Variants in CHST9 observed in about 807,000 individuals in gnomAD.
CHST9 encodes the protein GalNAc-4-sulfotransferase 2.
Under a neutral mutation model 44.4 loss-of-function variants are expected in CHST9, and 41 were observed. The ratio of observed to expected loss-of-function variants is 0.92; its 90% CI spans 0.72 to 1.20. The LOEUF is 1.20. Ranked by LOEUF, CHST9 falls within the 50% of genes most tolerant of loss-of-function variation. CHST9 has a pLI of 0.00. For missense variants in CHST9, 504 were observed against 516.5 expected (o/e 0.98, Z 0.23); for synonymous variants, 171 against 178.4 (o/e 0.96, Z 0.33).
chr18:26,910,724 A>G lies in CHST9; in HGVS notation c.*5535T>C, dbSNP rs1320212286. On this transcript the variant is annotated 3_prime_UTR_variant, in exon 6 of 6. Coordinates refer to ENST00000618847, the MANE Select transcript of CHST9 (RefSeq NM_031422.6). ...AATGTATGGTCTCAGCTTTGGAGCCAGAGAGACTGTTATTAAACCTCTTTG... is the reference window on the plus strand; with the variant it reads ...AATGTATGGTCTCAGCTTTGGAGCCGGAGAGACTGTTATTAAACCTCTTTG... The G allele has an allele frequency of 6.6e-6, 1 of 152,232 alleles. No homozygotes were observed. The highest frequency in any genetic ancestry group is 1.5e-5 in the Non-Finnish European group (1 of 68,034). 9.4% of individuals were successfully genotyped at this position (152,232 alleles called of 1,614,324 possible). A position where few individuals can be genotyped will look rare whatever the true frequency, so the allele number is the denominator to read the frequency against.
intron 1 of CHST9, among the ~76,000 whole-genome samples, chr18:27,144,523 A>G (rs2058596002): frequency 6.6e-6 from 1 of 152,050 alleles, no homozygotes; most frequent in Non-Finnish European, 1.5e-5. Flanking sequence ...TACAAAAAAT[A>G]AAATAGATTT....
chr18:27,028,377 A>G (rs2057305242), intron 3 of CHST9, among the ~76,000 whole-genome samples: 2 of 152,186 alleles, frequency 1.3e-5, no homozygotes, highest in South Asian at 4.1e-4. Flanking sequence ...TCTGGGTACA[A>G]ACACCACTGA....
Position 26,917,015 on chromosome 18 carries a change from C to A in CHST9, c.576G>T (p.Val192=), listed in dbSNP as rs1322541429. The change falls in exon 6 of 6, where the codon GTG becomes GTT. Residue 192 remains valine, a synonymous_variant. Transcript: ENST00000618847. ...LQEFCKKYGG[V]SHHQSHLFHT... is the part of the protein sequence containing the mutation. Reference sequence around the variant, plus strand: ...GAAAAAGATGTGACTGATGATGACTCACCCCACCGTATTTCTTGCAAAACT... The same window carrying A: ...GAAAAAGATGTGACTGATGATGACTAACCCCACCGTATTTCTTGCAAAACT... 6.2e-7 allele frequency: 1 copy of A among 1,613,804 alleles called. No homozygotes were observed. The highest frequency in any genetic ancestry group is 8.5e-7 in the Non-Finnish European group (1 of 1,179,882).
intron 5 of CHST9, among the ~76,000 whole-genome samples, chr18:26,921,016 C>T (rs923802897): frequency 3.3e-5 from 5 of 152,066 alleles, no homozygotes; most frequent in South Asian, 2.1e-4. Context: ...AACAAGATCC[C>T]CAGGTACTCC....
rs368911818 is a variant in CHST9, at chr18:26,995,369, C to T, written c.202+28747G>A. ...AGGAGAATGGCATGAACCCGGGAGG[C>T]GGAGCTTGCAGTGAGCCAAGATCGC... On this transcript the variant is annotated intron_variant, in intron 4 of 5. Transcript: ENST00000618847. 3.0e-3 allele frequency among the ~76,000 whole-genome samples: 435 copies of T among 146,652 alleles called. 1 individual carries two copies. Among genetic ancestry groups the T allele is most frequent in the East Asian group, 0.012 (58 of 4,980 alleles).
chr18:26,970,708 G>A (rs1250210253), intron 4 of CHST9, among the ~76,000 whole-genome samples: 23 of 152,332 alleles, frequency 1.5e-4, no homozygotes, highest in African/African-American at 3.8e-4. Context: ...GATTATAGGC[G>A]TGAGCCAATG....
intron 4 of CHST9, among the ~76,000 whole-genome samples, chr18:26,991,132 T>A (rs1213989665): frequency 2.0e-5 from 3 of 152,066 alleles, no homozygotes; most frequent in African/African-American, 7.2e-5. Context: ...GAGTATAGGA[T>A]AAGAGGGAAA....
chr18:26,996,120 C>T (rs972691172), intron 4 of CHST9, among the ~76,000 whole-genome samples: 3 of 152,212 alleles, frequency 2.0e-5, no homozygotes, highest in Admixed American at 6.5e-5. Flanking sequence ...GGTGCTCAGG[C>T]ACCTGCCCTG....
chr18:27,017,544 C>A (rs2057169464), intron 4 of CHST9, among the ~76,000 whole-genome samples: 1 of 152,000 alleles, frequency 6.6e-6, no homozygotes, highest in African/African-American at 2.4e-5. Flanking sequence ...CAAGAATAGG[C>A]CAAACTAAAC....
intron 4 of CHST9, among the ~76,000 whole-genome samples, chr18:26,960,792 C>T (rs1047537461): frequency 6.6e-6 from 1 of 152,152 alleles, no homozygotes; most frequent in Admixed American, 6.5e-5. Context: ...CATATCCTTT[C>T]GAGTAGCTGG....
At chr18:27,060,628 C>A (rs1453834128) in intron 2 of CHST9, among the ~76,000 whole-genome samples, 6 of 152,192 alleles carry the variant, frequency 3.9e-5, no homozygotes, top group African/African-American at 1.4e-4. Flanking sequence ...GCTTTATTTA[C>A]TGTGAAAAAC....
chr18:27,103,363 G>A, intron 2 of CHST9, among the ~76,000 whole-genome samples: 1 of 152,172 alleles, frequency 6.6e-6, no homozygotes, highest in East Asian at 1.9e-4. Flanking sequence ...GCTAACTTCT[G>A]CCTCAGTGGA....
chr18:27,135,111 T>C (rs1305255807), intron 2 of CHST9, among the ~76,000 whole-genome samples: 1 of 152,220 alleles, frequency 6.6e-6, no homozygotes, highest in Non-Finnish European at 1.5e-5. Context: ...TTGACTGTTC[T>C]GCAAGGTGTA....
intron 1 of CHST9, among the ~76,000 whole-genome samples, chr18:27,145,463 C>T (rs1041447094): frequency 4.6e-5 from 7 of 152,224 alleles, no homozygotes; most frequent in Admixed American, 2.6e-4. Context: ...GGATTACAGG[C>T]GTGAGCCACT....
intron 5 of CHST9, among the ~76,000 whole-genome samples, chr18:26,922,253 G>A (rs150732682): frequency 2.0e-5 from 3 of 152,054 alleles, no homozygotes; most frequent in Admixed American, 6.6e-5. Context: ...TTCTTGGGAC[G>A]TTCAAAATCT....
chr18:26,914,827 G>GA lies in CHST9; in HGVS notation c.*1431dup, dbSNP rs1272105366. On this transcript the variant is annotated 3_prime_UTR_variant, in exon 6 of 6. Coordinates refer to ENST00000618847, the MANE Select transcript of CHST9 (RefSeq NM_031422.6). Reference sequence around the variant, plus strand: ...GCCATTACTGAATATTTACTGATAAGAAAAAAATGATAGCTTAGGAAGAGG... The same window carrying GA: ...GCCATTACTGAATATTTACTGATAAGAAAAAAAATGATAGCTTAGGAAGAGG... 2 of 396,728 alleles carry GA rather than the reference G, an allele frequency of 5.0e-6. No homozygotes were observed. The highest frequency in any genetic ancestry group is 2.1e-5 in the African/African-American group (1 of 48,528). The allele number at this position is 396,728 out of a possible 1,614,324, so 24.6% of individuals were successfully genotyped here.
chr18:26,916,250 G>A lies in CHST9; in HGVS notation c.*9C>T, dbSNP rs2055517955. 1.3e-6 allele frequency: 2 copies of A among 1,509,702 alleles called. No homozygotes were observed. The highest frequency in any genetic ancestry group is 2.4e-5 in the South Asian group (2 of 83,652). The allele number at this position is 1,509,702 out of a possible 1,614,324, so 93.5% of individuals were successfully genotyped here. A position where few individuals can be genotyped will look rare whatever the true frequency, so the allele number is the denominator to read the frequency against. On this transcript the variant is annotated 3_prime_UTR_variant, in exon 6 of 6. Coordinates refer to ENST00000618847, the MANE Select transcript of CHST9 (RefSeq NM_031422.6). ...AAGTATATACAGGGTTTTAGAAAATGAATGCAAACTACAAAAATGGAGTTG... is the reference window on the plus strand; with the variant it reads ...AAGTATATACAGGGTTTTAGAAAATAAATGCAAACTACAAAAATGGAGTTG...
chr18:27,026,134 A>G (rs891285923), intron 3 of CHST9, among the ~76,000 whole-genome samples: 1 of 152,144 alleles, frequency 6.6e-6, no homozygotes, highest in Non-Finnish European at 1.5e-5. Context: ...ATGATGGCTC[A>G]AATATGAAGG....
intron 2 of CHST9, among the ~76,000 whole-genome samples, chr18:27,084,206 T>C (rs2057987596): frequency 6.6e-6 from 1 of 152,034 alleles, no homozygotes; most frequent in Admixed American, 6.5e-5. Context: ...TTTGGAATAA[T>C]TTCAGTATGG....
Sources: allele counts gnomAD v4.1 joint callset (sites outside exome capture counted in the v4.1 genomes callset), GRCh38; gene constraint gnomAD v4.1.1; transcripts MANE v1.5; gene names NCBI Gene and HGNC (gene_info 2026-07-23, HGNC 2026-07-21).